CCNQ: variants seen among roughly 807,000 people sequenced by gnomAD.
The protein encoded by CCNQ is cyclin Q, also known as cyclin-Q.
In CCNQ, 3 loss-of-function variants were observed where a neutral mutation model predicts 17.7. The ratio of observed to expected loss-of-function variants is 0.17; its 90% CI spans 0.08 to 0.44. The LOEUF (loss-of-function observed/expected upper bound fraction) is 0.44. Ranked by LOEUF, CCNQ falls within the 20% of genes least tolerant of loss-of-function variation. The pLI is 0.99. For synonymous variants in CCNQ, 73 were observed against 96.0 expected (o/e 0.76, Z 1.40); for missense variants, 146 against 222.6 (o/e 0.66, Z 2.19).
At chrX:153,590,912 C>T (rs1352813847) in intron 4 of CCNQ, among the ~76,000 whole-genome samples, 10 of 111,637 alleles carry the variant, frequency 9.0e-5, no homozygotes, top group South Asian at 3.7e-4. Flanking sequence ...TGGCTCTGGA[C>T]GTGGAAGTTT....
chrX:153,589,322 C>G (rs1356063294), intron 4 of CCNQ, among the ~76,000 whole-genome samples: 3 of 112,924 alleles, frequency 2.7e-5, no homozygotes, highest in Non-Finnish European at 5.6e-5. Context: ...ACTCCGTGCT[C>G]GCTGTCCCAC....
chrX:153,598,634 T>C (rs782277112), intron 1 of CCNQ, among the ~76,000 whole-genome samples: 188 of 113,189 alleles, frequency 1.7e-3, no homozygotes, highest in South Asian at 3.2e-3. Context: ...CCATAAAGTC[T>C]ACCGGAGTGC....
chrX:153,594,309 G>A (rs782520115), intron 3 of CCNQ, among the ~76,000 whole-genome samples: 1 of 112,826 alleles, frequency 8.9e-6, no homozygotes, highest in South Asian at 3.6e-4. Flanking sequence ...CAGGTGAGCA[G>A]GCAGAAAGGC....
chrX:153,595,675 C>CT (rs1557026842), intron 2 of CCNQ, among the ~76,000 whole-genome samples: 20 of 112,419 alleles, frequency 1.8e-4, no homozygotes, highest in African/African-American at 6.5e-4. Context: ...CTTCTGCCTG[C>CT]AGCCATCCCT....
chrX:153,595,955 C>G, intron 2 of CCNQ, 49 bp downstream of exon 2: 1 of 1,200,593 alleles, frequency 8.3e-7, no homozygotes, highest in Non-Finnish European at 1.1e-6. Context: ...CCTTCCCTGC[C>G]CGTCCCCCCC....
At chrX:153,597,492 A>G (rs782321389) in intron 1 of CCNQ, 4 of 110,689 alleles carry the variant, frequency 3.6e-5, no homozygotes, top group African/African-American at 6.6e-5. Context: ...AAAGCTTCTA[A>G]CTCTGCTTCT....
chrX:153,592,381 C>A, intron 4 of CCNQ, 125 bp downstream of exon 4: 10 of 719,526 alleles, frequency 1.4e-5, no homozygotes, highest in Non-Finnish European at 2.1e-5. Flanking sequence ...TACTTTCGAG[C>A]TTCCATGTTC....
At chrX:153,593,503 A>T (rs782595498) in intron 3 of CCNQ, among the ~76,000 whole-genome samples, 2 of 111,566 alleles carry the variant, frequency 1.8e-5, no homozygotes, top group South Asian at 7.6e-4. Context: ...CCCTGCAGCC[A>T]CCAGGGCATC....
rs2294104 is a variant in CCNQ at position 153,595,932 on chromosome X, G to A, written c.296+72C>T. 59,268 of 1,146,591 alleles carry A rather than the reference G, an allele frequency of 0.052. 1,258 individuals are homozygous for A. The highest frequency in any genetic ancestry group is 0.11 in the African/African-American group (6,193 of 55,957). 94.5% of individuals were successfully genotyped at this position (1,146,591 alleles called of 1,213,427 possible). ...TCCATTGCTGGCACCTGGTGGGCAG[G>A]GCCCCATAGGAGCCTTCCCTGCCCG... On this transcript the variant is annotated intron_variant, in intron 2 of 4. Coordinates refer to ENST00000576892, the MANE Select transcript of CCNQ (RefSeq NM_152274.5).
chrX:153,594,504 G>T (rs1557026513), intron 3 of CCNQ, 43 bp downstream of exon 3: 2 of 1,203,280 alleles, frequency 1.7e-6, no homozygotes, highest in Non-Finnish European at 2.2e-6. Context: ...CAGAGACCAT[G>T]GCTTGAGCCT....
intron 3 of CCNQ, 21 bp from the exon 4 acceptor site, chrX:153,592,754 G>A: frequency 8.6e-7 from 1 of 1,165,943 alleles, no homozygotes; most frequent in Non-Finnish European, 1.2e-6. Flanking sequence ...ACGTGTGTCA[G>A]CCTTTAGGCC....
rs782550347 is a variant in CCNQ at position 153,591,612 on chromosome X, G to A, written c.657+894C>T. ...CCAGAGGGTGTTTGCCCCCCCCAGAGTCCAACCCTGAGCACGAGGCAGCCA... is the reference window on the plus strand; with the variant it reads ...CCAGAGGGTGTTTGCCCCCCCCAGAATCCAACCCTGAGCACGAGGCAGCCA... On this transcript the variant is annotated intron_variant, in intron 4 of 4. Transcript: ENST00000576892. Among the ~76,000 whole-genome samples the A allele has an allele frequency of 9.0e-5, 10 of 111,474 alleles. No individual in the cohort carries two copies. In the East Asian group the frequency reaches 2.5e-3, roughly 28 times the overall value.
intron 4 of CCNQ, among the ~76,000 whole-genome samples, chrX:153,591,266 G>T (rs1049616474): frequency 4.5e-5 from 5 of 111,933 alleles, no homozygotes; most frequent in African/African-American, 6.5e-5. Flanking sequence ...GGGAGGCAAA[G>T]GTCAGGTCAA....
intron 1 of CCNQ, 116 bp downstream of exon 1, chrX:153,598,846 G>A: frequency 2.0e-6 from 1 of 495,585 alleles, no homozygotes. Flanking sequence ...GCCCCGAGCA[G>A]GGCTTCCCGG....
chrX:153,598,634 T>G (rs782277112), intron 1 of CCNQ, among the ~76,000 whole-genome samples: 2 of 113,140 alleles, frequency 1.8e-5, no homozygotes, highest in Non-Finnish European at 3.8e-5. Flanking sequence ...CCATAAAGTC[T>G]ACCGGAGTGC....
intron 1 of CCNQ, among the ~76,000 whole-genome samples, chrX:153,596,618 G>A (rs1180504987): frequency 3.6e-5 from 4 of 112,611 alleles, no homozygotes; most frequent in African/African-American, 9.7e-5. Context: ...GCTAGAAGTC[G>A]CCCACCCCAC....
intron 4 of CCNQ, 61 bp from the exon 5 acceptor site, chrX:153,588,515 G>A: frequency 2.3e-6 from 2 of 862,421 alleles, no homozygotes; most frequent in Non-Finnish European, 3.5e-6. Flanking sequence ...CAAGGCACCT[G>A]TCACTAAGCA....
At chrX:153,598,538 G>A (rs2091044053) in intron 1 of CCNQ, among the ~76,000 whole-genome samples, 1 of 113,427 alleles carries the variant, frequency 8.8e-6, no homozygotes, top group South Asian at 3.5e-4. Flanking sequence ...GGCAGGGTTC[G>A]GAACAGGAGC....
At chrX:153,589,745 T>G (rs1557025352) in intron 4 of CCNQ, among the ~76,000 whole-genome samples, 2 of 112,244 alleles carry the variant, frequency 1.8e-5, no homozygotes, top group Non-Finnish European at 3.8e-5. Flanking sequence ...GAACCCTAGG[T>G]TCCTCTGTGG....
Sources: allele counts gnomAD v4.1 joint callset (sites outside exome capture counted in the v4.1 genomes callset), GRCh38; gene constraint gnomAD v4.1.1; transcripts MANE v1.5; gene names NCBI Gene and HGNC (gene_info 2026-07-23, HGNC 2026-07-21).